Variants in SEMA3A observed in about 807,000 individuals in gnomAD.
SEMA3A encodes semaphorin-3A.
SEMA3A carries 29 observed loss-of-function variants against 97.9 expected under a neutral mutation model. The ratio of observed to expected loss-of-function variants is 0.30; its 90% CI spans 0.22 to 0.40. The LOEUF is 0.40. SEMA3A is among the 10% of genes least tolerant of loss of function. SEMA3A has a pLI of 1.00. For synonymous variants in SEMA3A, 321 were observed against 323.7 expected, an observed-to-expected ratio of 0.99 and a Z score of 0.09; for missense variants, 763 against 951.3, an observed-to-expected ratio of 0.80 and a Z score of 2.60.
At chr7:84,425,023 T>C (rs13307289) in intron 1 of SEMA3A, among the ~76,000 whole-genome samples, 30,939 of 101,178 alleles carry the variant, frequency 0.31, 5,682 homozygotes, top group African/African-American at 0.54. Flanking sequence ...TATTTATTTA[T>C]ATATAATTAT....
At chr7:84,163,716 GAAATCTTAT>G (rs1797115833) in intron 1 of SEMA3A, among the ~76,000 whole-genome samples, 1 of 152,030 alleles carries the variant, frequency 6.6e-6, no homozygotes, top group South Asian at 2.1e-4. Flanking sequence ...ATATTTGGGA[GAAATCTTAT>G]ATGTAAATTC....
At chr7:84,020,051 T>TTC (rs1554395239) in intron 6 of SEMA3A, among the ~76,000 whole-genome samples, 5 of 126,364 alleles carry the variant, frequency 4.0e-5, no homozygotes, top group African/African-American at 1.2e-4. Context: ...TTTTTTTTTT[T>TTC]TTTTTTTTTT....
chr7:84,110,759 T>C lies in SEMA3A; in HGVS notation c.334-170A>G, dbSNP rs1277355919. On this transcript the variant is annotated intron_variant, in intron 3 of 16. Transcript: ENST00000265362. ...CTTATTTATTATTCTATTGTTTTGC[T>C]TATATTATAATATGCATTAAAATAT... Among the ~76,000 whole-genome samples the C allele has an allele frequency of 3.3e-5, 5 of 152,098 alleles. No homozygotes were observed. The South Asian group carries it at 1.0e-3, about 31-fold the overall frequency.
intron 3 of SEMA3A, among the ~76,000 whole-genome samples, chr7:84,212,728 T>G (rs1233518021): frequency 6.6e-6 from 1 of 152,174 alleles, no homozygotes; most frequent in Non-Finnish European, 1.5e-5. Flanking sequence ...TGAAACAATG[T>G]GGTGTGGAAA....
rs1249250286 is a variant in SEMA3A, at chr7:84,051,962, A to C, written c.548-5519T>G. On this transcript the variant is annotated intron_variant, in intron 5 of 16. Coordinates refer to ENST00000265362, the MANE Select transcript of SEMA3A (RefSeq NM_006080.3). ...TCAAAGGCCTTTTCTGCATCTATTGAGATAATCATGTGGTTTTTGTCTTTG... is the reference window on the plus strand; with the variant it reads ...TCAAAGGCCTTTTCTGCATCTATTGCGATAATCATGTGGTTTTTGTCTTTG... 6.6e-5 allele frequency among the ~76,000 whole-genome samples: 10 copies of C among 150,740 alleles called. No individual in the cohort carries two copies. In the East Asian group the frequency reaches 1.6e-3, roughly 24 times the overall value.
At chr7:84,061,856 G>A (rs1167169334) in intron 4 of SEMA3A, among the ~76,000 whole-genome samples, 6 of 152,088 alleles carry the variant, frequency 3.9e-5, no homozygotes, top group African/African-American at 1.4e-4. Flanking sequence ...TAGCTGTCCT[G>A]TACCAATGAT....
At chr7:84,484,812 T>A (rs1354359326) in intron 1 of SEMA3A, among the ~76,000 whole-genome samples, 2 of 152,168 alleles carry the variant, frequency 1.3e-5, no homozygotes, top group Non-Finnish European at 2.9e-5. Flanking sequence ...AAATAAAGTA[T>A]GAATGCTCAT....
intron 5 of SEMA3A, among the ~76,000 whole-genome samples, chr7:84,050,067 G>GTATT (rs1309266663): frequency 6.6e-6 from 1 of 151,298 alleles, no homozygotes; most frequent in Non-Finnish European, 1.5e-5. Flanking sequence ...TGGCTGCATA[G>GTATT]TATTCCATGG....
intron 14 of SEMA3A, 115 bp downstream of exon 14, chr7:83,981,206 A>C: frequency 8.6e-7 from 1 of 1,169,088 alleles, no homozygotes; most frequent in South Asian, 1.4e-5. Context: ...TCTGCTCCCA[A>C]ATCTTTTTAT....
At chr7:84,084,243 C>T (rs1180998889) in intron 4 of SEMA3A, among the ~76,000 whole-genome samples, 3 of 152,122 alleles carry the variant, frequency 2.0e-5, no homozygotes, top group Admixed American at 1.3e-4. Context: ...CCTAATAATG[C>T]TTTCAAAAAG....
At chr7:84,428,532 T>C (rs1804885503) in intron 1 of SEMA3A, among the ~76,000 whole-genome samples, 1 of 152,074 alleles carries the variant, frequency 6.6e-6, no homozygotes, top group Non-Finnish European at 1.5e-5. Context: ...GCTTTTTTTG[T>C]ATATTTTAAA....
At chr7:84,420,552 G>A (rs2116277447) in intron 1 of SEMA3A, among the ~76,000 whole-genome samples, 2 of 151,938 alleles carry the variant, frequency 1.3e-5, no homozygotes, top group South Asian at 4.2e-4. Context: ...CCTGTGGGAT[G>A]AAAAAATATA....
intron 1 of SEMA3A, among the ~76,000 whole-genome samples, chr7:84,466,109 T>C (rs1275107398): frequency 6.6e-6 from 1 of 152,168 alleles, no homozygotes; most frequent in Non-Finnish European, 1.5e-5. Context: ...ATAATCAAAA[T>C]GCAACTTAGT....
At chr7:84,264,875 T>G (rs1229560591) in intron 3 of SEMA3A, among the ~76,000 whole-genome samples, 1 of 152,174 alleles carries the variant, frequency 6.6e-6, no homozygotes, top group Non-Finnish European at 1.5e-5. Flanking sequence ...TTCCAGATTC[T>G]AATAAGATTT....
At chr7:84,227,904 T>TGTGTGC (rs1203049544) in intron 3 of SEMA3A, among the ~76,000 whole-genome samples, 3 of 151,604 alleles carry the variant, frequency 2.0e-5, no homozygotes, top group Admixed American at 6.6e-5. Flanking sequence ...TGTGTGTGTG[T>TGTGTGC]GTGCGTGCGT....
intron 3 of SEMA3A, among the ~76,000 whole-genome samples, chr7:84,128,210 C>T (rs962993729): frequency 1.3e-5 from 2 of 151,560 alleles, no homozygotes; most frequent in Non-Finnish European, 2.9e-5. Flanking sequence ...TTGCATGGTC[C>T]TTTTTCAACC....
At chr7:84,451,888 CTG>C (rs1805565126) in intron 1 of SEMA3A, among the ~76,000 whole-genome samples, 1 of 152,164 alleles carries the variant, frequency 6.6e-6, no homozygotes, top group Non-Finnish European at 1.5e-5. Flanking sequence ...GTTTTTAACT[CTG>C]TAGTCTACAT....
intron 1 of SEMA3A, among the ~76,000 whole-genome samples, chr7:84,159,387 C>T (rs558699428): frequency 4.6e-5 from 7 of 152,160 alleles, no homozygotes; most frequent in South Asian, 2.1e-4. Context: ...AATCTTTTTC[C>T]GTACCTTTTT....
intron 3 of SEMA3A, among the ~76,000 whole-genome samples, chr7:84,204,000 T>C (rs1440981918): frequency 6.6e-6 from 1 of 152,162 alleles, no homozygotes; most frequent in Non-Finnish European, 1.5e-5. Context: ...AATTTCATTG[T>C]TATTAACTTT....
Sources: gnomAD v4.1 joint callset for allele counts (sites outside exome capture counted in the v4.1 genomes callset) on GRCh38, gnomAD v4.1.1 for gene constraint, MANE v1.5 for transcripts, NCBI Gene and HGNC (gene_info 2026-07-23, HGNC 2026-07-21) for gene names.